Variants in XRRA1 observed in about 807,000 individuals in gnomAD.
XRRA1 encodes the protein X-ray radiation resistance-associated protein 1.
In XRRA1, 69 loss-of-function variants were observed where a neutral mutation model predicts 80.2. The ratio of observed to expected loss-of-function variants is 0.86; its 90% CI spans 0.71 to 1.05. The LOEUF is 1.05. XRRA1 is among the 50% of genes least tolerant of loss of function. The pLI, the probability that XRRA1 is intolerant of heterozygous loss-of-function variation, is 0.00. For missense variants in XRRA1, 967 were observed against 976.4 expected (o/e 0.99, Z 0.13); for synonymous variants, 348 against 389.9 (o/e 0.89, Z 1.27).
chr11:74,882,583 G>C (rs560650369), intron 10 of XRRA1, among the ~76,000 whole-genome samples: 1 of 151,670 alleles, frequency 6.6e-6, no homozygotes, highest in Non-Finnish European at 1.5e-5. Context: ...GAGGAGAGGC[G>C]CTCTGCTTTT....
chr11:74,874,228 C>CT (rs2045537523), intron 10 of XRRA1, among the ~76,000 whole-genome samples: 1 of 90,686 alleles, frequency 1.1e-5, no homozygotes, highest in Non-Finnish European at 2.1e-5. Context: ...AGCAAGACTC[C>CT]GTCTCAAAAA....
rs532051440 is a variant in XRRA1, at chr11:74,853,606, A to G, written c.1171-1524T>C. On this transcript the variant is annotated intron_variant, in intron 12 of 18. Transcript: ENST00000684022. Reference sequence around the variant, plus strand: ...AGCCAGAGGGCATCTGGGTCTCTGAATGATCATGTGGAAGGCCACCTGCCA... The same window carrying G: ...AGCCAGAGGGCATCTGGGTCTCTGAGTGATCATGTGGAAGGCCACCTGCCA... Among the ~76,000 whole-genome samples, 5 of 152,334 alleles carry G rather than the reference A, an allele frequency of 3.3e-5. No individual in the cohort carries two copies. In the East Asian group the frequency reaches 9.6e-4, roughly 29 times the overall value.
intron 10 of XRRA1, among the ~76,000 whole-genome samples, chr11:74,890,280 A>G (rs1242822476): frequency 6.6e-6 from 1 of 152,234 alleles, no homozygotes; most frequent in East Asian, 1.9e-4. Flanking sequence ...TGGAAACTGA[A>G]CAACCTGCTC....
chr11:74,914,110 C>T (rs1170300448), intron 8 of XRRA1, among the ~76,000 whole-genome samples: 5 of 152,096 alleles, frequency 3.3e-5, no homozygotes, highest in South Asian at 4.1e-4. Context: ...TTCAGTCTCC[C>T]GAGTAGCTGG....
intron 7 of XRRA1, 44 bp from the exon 8 acceptor site, chr11:74,921,391 T>C (rs1174011377): frequency 6.2e-7 from 1 of 1,610,274 alleles, no homozygotes; most frequent in Non-Finnish European, 8.5e-7. Flanking sequence ...GCACTCTGTG[T>C]GACAACAATG....
At chr11:74,927,211 A>G (rs1454168509) in intron 7 of XRRA1, among the ~76,000 whole-genome samples, 180 bp downstream of exon 7, 2 of 151,942 alleles carry the variant, frequency 1.3e-5, no homozygotes, top group Admixed American at 1.3e-4. Context: ...CACTATCTCC[A>G]TCACTGTAAC....
intron 8 of XRRA1, among the ~76,000 whole-genome samples, chr11:74,914,003 G>C (rs1306668026): frequency 1.3e-5 from 2 of 151,776 alleles, no homozygotes; most frequent in Non-Finnish European, 2.9e-5. Flanking sequence ...TTTATTTTTT[G>C]AGATGGAGTC....
At chr11:74,866,652 A>AT (rs921848279) in intron 10 of XRRA1, among the ~76,000 whole-genome samples, 6 of 121,974 alleles carry the variant, frequency 4.9e-5, no homozygotes, top group Middle Eastern at 3.9e-3. Flanking sequence ...GATTGAAATA[A>AT]TTAAAAAAAA....
chr11:74,907,188 G>A lies in XRRA1; in HGVS notation c.742C>T (p.Leu248Phe), dbSNP rs377180839. ...LETLMLDDNRLSNPSCFASLA... is the reference protein window; with the variant it reads ...LETLMLDDNRFSNPSCFASLA... ...CTGGCAAAGCAACTGGGGTTGGAGA[G>A]TCTGTTGTCATCCAGCATCAGTGTC... Residue 248 changes from leucine (L) to phenylalanine (F), a missense_variant, in exon 9 of 19, where the codon CTC (leucine) becomes TTC (phenylalanine). Transcript: ENST00000684022. 140 of 1,613,876 alleles carry A rather than the reference G, an allele frequency of 8.7e-5. No individual in the cohort carries two copies. Among genetic ancestry groups the A allele is most frequent in the Non-Finnish European group, 1.1e-4 (134 of 1,179,884 alleles).
At chr11:74,877,571 C>A (rs1006790352) in intron 10 of XRRA1, among the ~76,000 whole-genome samples, 3 of 151,370 alleles carry the variant, frequency 2.0e-5, no homozygotes, top group Non-Finnish European at 4.4e-5. Flanking sequence ...ACTAACTTGT[C>A]ATCTAGCATT....
intron 7 of XRRA1, among the ~76,000 whole-genome samples, chr11:74,925,540 G>T (rs571684324): frequency 4.8e-4 from 73 of 151,592 alleles, no homozygotes; most frequent in Admixed American, 3.5e-3. Flanking sequence ...ACAGATAGAT[G>T]AAAACAGATG....
chr11:74,925,340 T>TA (rs1311258858), intron 7 of XRRA1, among the ~76,000 whole-genome samples: 9 of 152,002 alleles, frequency 5.9e-5, no homozygotes, highest in Non-Finnish European at 1.2e-4. Context: ...CCTGAAGAAT[T>TA]ATTCTACTCT....
In XRRA1 at chr11:74,842,397, A is replaced by C. The variant is rs1480684639; in HGVS notation, c.*803T>G. The stretch of plus-strand genomic sequence containing the variant: ...GCCCAAGTTGAGAATACAGTAAAGG[A>C]AACTCATGAAAGTGGATGTTCTGTT... On this transcript the variant is annotated 3_prime_UTR_variant, in exon 19 of 19. Coordinates refer to ENST00000684022, the MANE Select transcript of XRRA1 (RefSeq NM_001378157.1). 5.3e-5 allele frequency: 8 copies of C among 152,260 alleles called. No homozygotes were observed. The East Asian group carries it at 1.5e-3, about 29-fold the overall frequency. The allele number at this position is 152,260 out of a possible 1,614,324, so 9.4% of individuals were successfully genotyped here.
intron 10 of XRRA1, among the ~76,000 whole-genome samples, chr11:74,896,409 G>T (rs574393175): frequency 6.6e-6 from 1 of 152,346 alleles, no homozygotes; most frequent in Admixed American, 6.5e-5. Context: ...TGAACTGGTG[G>T]TGGTAGCCAC....
At position 74,843,889 on chromosome 11, in the gene XRRA1, A is replaced by C. The variant is rs1267036694; in HGVS notation, c.2114T>G (p.Leu705Trp). Residue 705 changes from leucine (L) to tryptophan (W), a missense_variant, in exon 18 of 19, where the codon TTG becomes TGG. Coordinates refer to ENST00000684022, the MANE Select transcript of XRRA1 (RefSeq NM_001378157.1). ...AQLLDDIFIR[L>W]RDPRNITEAP... ...CTCTGTAATGTTCCGGGGATCCCGC[A>C]AGCGAATGAAGATGTCATCCAGAAG... is the stretch of plus-strand genomic sequence containing the variant. The C allele has an allele frequency of 6.2e-7, 1 of 1,612,946 alleles. No homozygotes were observed. Among genetic ancestry groups the C allele is most frequent in the African/African-American group, 1.3e-5 (1 of 75,032 alleles).
chr11:74,841,588 T>C lies in XRRA1; in HGVS notation c.*1612A>G, dbSNP rs961413568. On this transcript the variant is annotated 3_prime_UTR_variant, in exon 19 of 19. Transcript: ENST00000684022. The stretch of plus-strand genomic sequence containing the variant: ...TGAGTAAATGCCTCCTTAATGCCTT[T>C]TAAGTAAGGTGGCAACTTTTAACTG... 1.3e-5 allele frequency: 2 copies of C among 152,226 alleles called. No homozygotes were observed. Among genetic ancestry groups the C allele is most frequent in the African/African-American group, 4.8e-5 (2 of 41,454 alleles). 9.4% of individuals were successfully genotyped at this position (152,226 alleles called of 1,614,324 possible).
At chr11:74,920,782 G>A (rs531690158) in intron 8 of XRRA1, among the ~76,000 whole-genome samples, 7 of 152,216 alleles carry the variant, frequency 4.6e-5, no homozygotes, top group Non-Finnish European at 7.3e-5. Flanking sequence ...CATACATAAT[G>A]CCGAGAATAC....
At chr11:74,855,485 T>C (rs2040874786) in intron 12 of XRRA1, among the ~76,000 whole-genome samples, 1 of 152,250 alleles carries the variant, frequency 6.6e-6, no homozygotes, top group South Asian at 2.1e-4. Context: ...CTTAGGATTC[T>C]GGCTGACACA....
At chr11:74,948,858 C>G (rs1948203438) in intron 1 of XRRA1, 70 bp downstream of exon 1, 1 of 166,148 alleles carries the variant, frequency 6.0e-6, no homozygotes, top group Admixed American at 6.3e-5. Flanking sequence ...AAGCTCCTGC[C>G]CACTCCTTTG....
Sources: allele counts gnomAD v4.1 joint callset (sites outside exome capture counted in the v4.1 genomes callset), GRCh38; gene constraint gnomAD v4.1.1; transcripts MANE v1.5; gene names NCBI Gene and HGNC (gene_info 2026-07-23, HGNC 2026-07-21).